The following NLK variants were observed in gnomAD, a reference collection of about 807,000 sequenced individuals.
NLK encodes nemo like kinase.
Under a neutral mutation model 59.0 loss-of-function variants are expected in NLK, and 11 were observed. The observed-to-expected ratio is 0.19, with a 90% CI of 0.12 to 0.31. The LOEUF (loss-of-function observed/expected upper bound fraction) is 0.31. Among genes scored for constraint, NLK ranks in the 10% least tolerant of loss-of-function variants. NLK has a pLI of 1.00. For synonymous variants in NLK, 235 were observed against 235.9 expected (o/e 1.00, Z 0.03); for missense variants, 410 against 661.1 (o/e 0.62, Z 4.16).
At chr17:28,110,772 C>T (rs1472694958) in intron 1 of NLK, among the ~76,000 whole-genome samples, 2 of 152,028 alleles carry the variant, frequency 1.3e-5, no homozygotes, top group Non-Finnish European at 2.9e-5. Flanking sequence ...TTGATATTCC[C>T]TGTTGAGTCA....
At chr17:28,154,954 C>G (rs2142042277) in intron 3 of NLK, among the ~76,000 whole-genome samples, 1 of 152,222 alleles carries the variant, frequency 6.6e-6, no homozygotes, top group Non-Finnish European at 1.5e-5. Context: ...ATCGCTTGAA[C>G]CTGGGAAATG....
At chr17:28,139,973 G>C (rs942690707) in intron 3 of NLK, among the ~76,000 whole-genome samples, 13 of 152,102 alleles carry the variant, frequency 8.5e-5, no homozygotes, top group African/African-American at 2.9e-4. Context: ...ACTTCAGGCA[G>C]AAAAAAACGA....
At chr17:28,065,319 C>T (rs1909790804) in intron 1 of NLK, among the ~76,000 whole-genome samples, 1 of 151,694 alleles carries the variant, frequency 6.6e-6, no homozygotes, top group African/African-American at 2.4e-5. Flanking sequence ...TTGATGATGA[C>T]AGGGGATGAG....
chr17:28,103,059 A>G (rs563935785), intron 1 of NLK, among the ~76,000 whole-genome samples: 1 of 152,294 alleles, frequency 6.6e-6, no homozygotes, highest in South Asian at 2.1e-4. Flanking sequence ...ATCCCTTCCT[A>G]TATATTTCCT....
At position 28,116,360 on chromosome 17, in the gene NLK, C is replaced by T. The variant is rs1373078868; in HGVS notation, c.459-6243C>T. On this transcript the variant is annotated intron_variant, in intron 1 of 10. Coordinates refer to ENST00000407008, the MANE Select transcript of NLK (RefSeq NM_016231.5). Reference sequence around the variant, plus strand: ...GCAGACGCAGCAAGAGTGAGAACCCCGGCCGAATTTTCATGGGTGGCTCTA... The same window carrying T: ...GCAGACGCAGCAAGAGTGAGAACCCTGGCCGAATTTTCATGGGTGGCTCTA... 8 of 196,976 alleles carry T rather than the reference C, an allele frequency of 4.1e-5. 1 individual carries two copies. Among genetic ancestry groups the T allele is most frequent in the East Asian group, 3.5e-4 (3 of 8,682 alleles). The allele number at this position is 196,976 out of a possible 1,614,324, so 12.2% of individuals were successfully genotyped here. A position where few individuals can be genotyped will look rare whatever the true frequency, so the allele number is the denominator to read the frequency against.
chr17:28,066,209 C>A (rs1182385911), intron 1 of NLK, among the ~76,000 whole-genome samples: 4 of 152,208 alleles, frequency 2.6e-5, no homozygotes, highest in African/African-American at 4.8e-5. Context: ...CAACCCTCAT[C>A]CTCTAGATTA....
At chr17:28,084,728 T>C (rs1427490622) in intron 1 of NLK, among the ~76,000 whole-genome samples, 2 of 152,192 alleles carry the variant, frequency 1.3e-5, no homozygotes, top group African/African-American at 4.8e-5. Context: ...CATGCCCGGC[T>C]AATTTTTGTA....
At chr17:28,047,336 C>T (rs1909093772) in intron 1 of NLK, among the ~76,000 whole-genome samples, 2 of 152,140 alleles carry the variant, frequency 1.3e-5, no homozygotes, top group Admixed American at 6.5e-5. Flanking sequence ...CTCTAAATAA[C>T]GTAGCGTGTC....
intron 1 of NLK, among the ~76,000 whole-genome samples, chr17:28,055,094 T>C (rs1909393229): frequency 6.6e-6 from 1 of 150,828 alleles, no homozygotes; most frequent in South Asian, 2.1e-4. Flanking sequence ...GATTTTTTTT[T>C]CTTTTTTTTT....
intron 8 of NLK, among the ~76,000 whole-genome samples, chr17:28,189,444 C>T (rs1310835806): frequency 1.3e-5 from 2 of 152,136 alleles, no homozygotes; most frequent in African/African-American, 4.8e-5. Flanking sequence ...GCACAGAATG[C>T]CAAGCTATTG....
In NLK at chr17:28,116,603, A is replaced by T. The variant is rs563606894; in HGVS notation, c.459-6000A>T. ...ATTCAGAACAAAGTTTTCTTTTCTG[A>T]TGTGAACTTTATTTCTAAATTCATT... On this transcript the variant is annotated intron_variant, in intron 1 of 10. Transcript: ENST00000407008. 3.9e-5 allele frequency among the ~76,000 whole-genome samples: 6 copies of T among 152,332 alleles called. No individual in the cohort carries two copies. In the South Asian group the frequency reaches 1.2e-3, roughly 32 times the overall value.
chr17:28,170,379 G>A (rs1567735491), intron 6 of NLK, among the ~76,000 whole-genome samples: 1 of 151,678 alleles, frequency 6.6e-6, no homozygotes. Flanking sequence ...CACTTGACCA[G>A]ACAGAATTAT....
intron 1 of NLK, among the ~76,000 whole-genome samples, chr17:28,087,240 ATC>A (rs1175471577): frequency 1.3e-5 from 2 of 152,296 alleles, no homozygotes; most frequent in Admixed American, 6.5e-5. Context: ...TTCAAATATT[ATC>A]TGATTTAATT....
intron 1 of NLK, among the ~76,000 whole-genome samples, chr17:28,073,965 A>G (rs1417836250): frequency 6.6e-6 from 1 of 152,148 alleles, no homozygotes; most frequent in African/African-American, 2.4e-5. Flanking sequence ...TTTATAACCA[A>G]CTCTTGAAAT....
At chr17:28,147,602 A>G (rs1425982410) in intron 3 of NLK, among the ~76,000 whole-genome samples, 1 of 152,160 alleles carries the variant, frequency 6.6e-6, no homozygotes, top group African/African-American at 2.4e-5. Flanking sequence ...CTTGCCCATA[A>G]TCTTTTTTGC....
At chr17:28,061,869 C>CATATATATAATATATACATATAT (rs1909661585) in intron 1 of NLK, 1 of 138,442 alleles carries the variant, frequency 7.2e-6, no homozygotes, top group Non-Finnish European at 1.5e-5. Context: ...TATACATATA[C>CATATATATAATATATACATATAT]ATATATATAA....
At position 28,119,573 on chromosome 17, in the gene NLK, A is replaced by T. The variant is rs150434403; in HGVS notation, c.459-3030A>T. 8.0e-4 allele frequency among the ~76,000 whole-genome samples: 122 copies of T among 152,300 alleles called. 1 individual carries two copies. Among genetic ancestry groups the T allele is most frequent in the African/African-American group, 2.9e-3 (119 of 41,572 alleles). On this transcript the variant is annotated intron_variant, in intron 1 of 10. Coordinates refer to ENST00000407008, the MANE Select transcript of NLK (RefSeq NM_016231.5). ...TCAATTTATCTCATGTTTAAAAACTAATATTTATTGTGCCCGGCTAACTGT... is the reference window on the plus strand; with the variant it reads ...TCAATTTATCTCATGTTTAAAAACTTATATTTATTGTGCCCGGCTAACTGT...
At chr17:28,184,907 C>T (rs894477082) in intron 7 of NLK, among the ~76,000 whole-genome samples, 4 of 152,106 alleles carry the variant, frequency 2.6e-5, no homozygotes, top group Admixed American at 1.3e-4. Context: ...AAGATGGCGC[C>T]ACTGCACCCT....
rs769507583 is a variant in NLK, at chr17:28,172,575, G to T, written c.1106G>T (p.Cys369Phe). ...TPSLEAMRTA[C>F]EGAKAHILRG... is the part of the protein sequence containing the mutation. The stretch of plus-strand genomic sequence containing the variant: ...TCACTGGAAGCAATGAGGACAGCTT[G>T]TGAAGGCGCTAAGGCACATATACTC... The change falls in exon 7 of 11, where the codon TGT becomes TTT. Residue 369 changes from cysteine (C) to phenylalanine (F), a missense_variant. Around this residue, in one of 5 missense-constraint regions of NLK, gnomAD observed 150 missense variants for 244.3 expected, o/e 0.61. Transcript: ENST00000407008. 1 of 1,598,154 alleles carries T rather than the reference G, an allele frequency of 6.3e-7. No individual in the cohort carries two copies. Among genetic ancestry groups the T allele is most frequent in the South Asian group, 1.1e-5 (1 of 88,054 alleles).
Sources: allele counts gnomAD v4.1 joint callset (sites outside exome capture counted in the v4.1 genomes callset), GRCh38; gene constraint gnomAD v4.1.1; regional missense constraint gnomAD v4.1.1; transcripts MANE v1.5; gene names NCBI Gene and HGNC (gene_info 2026-07-23, HGNC 2026-07-21).